The following TRPV5 variants were observed in gnomAD, a reference collection of about 807,000 sequenced individuals.
The protein encoded by TRPV5 is transient receptor potential cation channel subfamily V member 5, also known as calcium transport protein 2.
A neutral mutation model predicts 74.1 loss-of-function variants in TRPV5; 66 were observed. The observed-to-expected ratio is 0.89, with a 90% CI of 0.73 to 1.09. The LOEUF (loss-of-function observed/expected upper bound fraction) is 1.09, where lower values mean the gene tolerates loss of function less well. TRPV5 is among the 50% of genes least tolerant of loss of function. The probability of loss-of-function intolerance (pLI) is 0.00; values close to 1 mark genes in which losing one functional copy is unlikely to be tolerated. For synonymous variants in TRPV5, 399 were observed against 360.7 expected (o/e 1.11, Z -1.20); for missense variants, 936 against 930.4 (o/e 1.01, Z -0.08).
At chr7:142,929,822 A>C (rs546357880) in intron 3 of TRPV5, among the ~76,000 whole-genome samples, 1 of 152,288 alleles carries the variant, frequency 6.6e-6, no homozygotes, top group South Asian at 2.1e-4. Context: ...TGAGAGAAAG[A>C]AATTGAGATA....
At chr7:142,929,341 C>T in intron 4 of TRPV5, 87 bp downstream of exon 4, 1 of 1,566,802 alleles carries the variant, frequency 6.4e-7, no homozygotes, top group Non-Finnish European at 8.7e-7. Flanking sequence ...ACAGATGGAG[C>T]TGAAGGCAGG....
At chr7:142,930,317 C>G in intron 2 of TRPV5, 32 bp downstream of exon 2, 1 of 1,610,340 alleles carries the variant, frequency 6.2e-7, no homozygotes, top group South Asian at 1.1e-5. Flanking sequence ...TTCTTCTGCC[C>G]CCACCTCCAT....
At chr7:142,922,694 G>T (rs1795905399) in intron 8 of TRPV5, among the ~76,000 whole-genome samples, 1 of 152,140 alleles carries the variant, frequency 6.6e-6, no homozygotes. Context: ...CAGAGTTAGG[G>T]CTAAAACCCG....
intron 13 of TRPV5, among the ~76,000 whole-genome samples, chr7:142,910,847 T>A (rs557083334): frequency 2.0e-5 from 3 of 152,270 alleles, no homozygotes; most frequent in South Asian, 4.1e-4. Flanking sequence ...CTCATCACTT[T>A]TAGTGCATTG....
intron 8 of TRPV5, among the ~76,000 whole-genome samples, chr7:142,922,308 G>T (rs1563374013): frequency 6.6e-6 from 1 of 152,140 alleles, no homozygotes; most frequent in Non-Finnish European, 1.5e-5. Flanking sequence ...TCAAAGGAGG[G>T]CTCAAGAGAA....
At chr7:142,928,456 G>T (rs1796026191) in intron 6 of TRPV5, among the ~76,000 whole-genome samples, 2 of 152,174 alleles carry the variant, frequency 1.3e-5, no homozygotes, top group East Asian at 3.8e-4. Flanking sequence ...CTAGAGCTTT[G>T]GGTTATCACA....
At chr7:142,923,136 T>G (rs546320483) in intron 8 of TRPV5, among the ~76,000 whole-genome samples, 1 of 152,282 alleles carries the variant, frequency 6.6e-6, no homozygotes, top group South Asian at 2.1e-4. Flanking sequence ...AGTCCTGAAG[T>G]GACTGAGATC....
chr7:142,930,558 T>C (rs1418223678), intron 1 of TRPV5, 112 bp from the exon 2 acceptor site: 1 of 830,648 alleles, frequency 1.2e-6, no homozygotes, highest in Non-Finnish European at 2.0e-6. Flanking sequence ...CAGCGTGCAG[T>C]GACAAATTGG....
chr7:142,918,641 G>A (rs1301686538), intron 8 of TRPV5, among the ~76,000 whole-genome samples: 1 of 152,204 alleles, frequency 6.6e-6, no homozygotes, highest in African/African-American at 2.4e-5. Context: ...ACTAGATAAT[G>A]TCTAAATTTG....
At chr7:142,928,892 G>A in intron 5 of TRPV5, 26 bp from the exon 6 acceptor site, 2 of 1,613,128 alleles carry the variant, frequency 1.2e-6, no homozygotes, top group Non-Finnish European at 8.5e-7. Context: ...GGTATCATGT[G>A]GCCACTGGCC....
chr7:142,908,942 A>G (rs1001652492), intron 14 of TRPV5, 134 bp from the exon 15 acceptor site: 2 of 905,816 alleles, frequency 2.2e-6, no homozygotes, highest in African/African-American at 1.7e-5. Flanking sequence ...CAGGAAGAGT[A>G]TCTGGGATCA....
Position 142,912,642 on chromosome 7 carries a change from G to T in TRPV5, c.1628C>A (p.Ala543Glu). 1 of 1,614,242 alleles carries T rather than the reference G, an allele frequency of 6.2e-7. No homozygotes were observed. The highest frequency in any genetic ancestry group is 8.5e-7 in the Non-Finnish European group (1 of 1,180,050). ...TFELFLTVID[A>E]PANYDVDLPF... is the part of the protein sequence containing the mutation. ...CAAGTCCACGTCGTAGTTGGCAGGT[G>T]CATCAATAACAGTGAGAAAAAGCTC... Residue 543 changes from alanine to glutamate, a missense_variant, in exon 13 of 15, where the codon GCA becomes GAA. Physicochemically the swap from Ala to Glu is moderately radical, Grantham distance 107. Transcript: ENST00000265310.
chr7:142,911,228 C>T (rs571107100), intron 13 of TRPV5, among the ~76,000 whole-genome samples: 2 of 152,160 alleles, frequency 1.3e-5, no homozygotes, highest in South Asian at 2.1e-4. Flanking sequence ...AAAAGAGAGC[C>T]GAACAGAGGA....
At chr7:142,924,355 C>CATGTATAT (rs1447573578) in intron 8 of TRPV5, among the ~76,000 whole-genome samples, 1,085 of 20,510 alleles carry the variant, frequency 0.053, 173 homozygotes, top group African/African-American at 0.083. Flanking sequence ...TATATATAGA[C>CATGTATAT]ATATACATGT....
chr7:142,925,882 T>G (rs1487455390), intron 7 of TRPV5, 141 bp from the exon 8 acceptor site: 2 of 743,560 alleles, frequency 2.7e-6, no homozygotes, highest in Non-Finnish European at 4.6e-6. Context: ...ATAGTATATT[T>G]CCTGCATATG....
chr7:142,919,432 C>A (rs114479437), intron 8 of TRPV5, among the ~76,000 whole-genome samples: 5 of 152,200 alleles, frequency 3.3e-5, no homozygotes, highest in African/African-American at 9.6e-5. Context: ...GGACAGGAAG[C>A]GGGGATGGAG....
Position 142,933,549 on chromosome 7 carries a change from A to G in TRPV5, c.-90T>C, listed in dbSNP as rs1298361318. ...AGCAACTGAGCAAGAGATGGGGTCT[A>G]TTTGGGGCTGGGACTCTGAGTTTAT... On this transcript the variant is annotated 5_prime_UTR_variant, in exon 1 of 15. Coordinates refer to ENST00000265310, the MANE Select transcript of TRPV5 (RefSeq NM_019841.7). 2 of 1,530,038 alleles carry G rather than the reference A, an allele frequency of 1.3e-6. No homozygotes were observed. Among genetic ancestry groups the G allele is most frequent in the African/African-American group, 1.4e-5 (1 of 72,308 alleles). The allele number at this position is 1,530,038 out of a possible 1,614,324, so 94.8% of individuals were successfully genotyped here.
intron 12 of TRPV5, 113 bp from the exon 13 acceptor site, chr7:142,912,863 T>TCTAC: frequency 9.8e-7 from 1 of 1,020,986 alleles, no homozygotes; most frequent in South Asian, 1.6e-5. Flanking sequence ...TATCTATCTA[T>TCTAC]CTATCTATCT....
intron 7 of TRPV5, among the ~76,000 whole-genome samples, chr7:142,926,220 T>C (rs4252429): frequency 3.1e-4 from 47 of 152,246 alleles, no homozygotes; most frequent in African/African-American, 1.1e-3. Context: ...TTTCTAAATA[T>C]AACAGAAAGC....
Sources: gnomAD v4.1 joint callset for allele counts (sites outside exome capture counted in the v4.1 genomes callset) on GRCh38, gnomAD v4.1.1 for gene constraint, MANE v1.5 for transcripts, NCBI Gene and HGNC (gene_info 2026-07-23, HGNC 2026-07-21) for gene names.